Variants in INPP5B observed in about 807,000 individuals in gnomAD.
INPP5B encodes inositol polyphosphate-5-phosphatase B.
Under a neutral mutation model 118.5 loss-of-function variants are expected in INPP5B, and 90 were observed. The observed-to-expected ratio is 0.76, with a 90% confidence interval of 0.64 to 0.90. INPP5B has a LOEUF of 0.90. INPP5B is among the 40% of genes least tolerant of loss of function. The pLI is 0.00. For synonymous variants in INPP5B, 385 were observed against 418.9 expected (o/e 0.92, Z 0.99); for missense variants, 984 against 1,125.6 (o/e 0.87, Z 1.80).
rs368979685 is a variant in INPP5B, at chr1:37,880,176, C to T, written c.1450G>A (p.Ala484Thr). 30 of 1,602,458 alleles carry T rather than the reference C, an allele frequency of 1.9e-5. No homozygotes were observed. The highest frequency in any genetic ancestry group is 1.8e-4 in the South Asian group (16 of 90,022). The change falls in exon 15 of 24, where the codon GCA becomes ACA. Residue 484 changes from alanine (A) to threonine (T), a missense_variant. Physicochemically the swap from Ala to Thr is moderately conservative, Grantham distance 58. Around this residue, in one of 2 missense-constraint regions of INPP5B, gnomAD observed 634 missense variants for 791.0 expected, o/e 0.80. Transcript: ENST00000373024. ...AYDQLKIQVA[A>T]KTVFEGFTEG... ...GTGAAGCCTTCAAAGACAGTCTTTGCGGCCACCTGAATTTTCAGCTATACA... is the reference window on the plus strand; with the variant it reads ...GTGAAGCCTTCAAAGACAGTCTTTGTGGCCACCTGAATTTTCAGCTATACA...
intron 22 of INPP5B, chr1:37,864,914 C>G (rs1202856286): frequency 6.6e-6 from 1 of 152,628 alleles, no homozygotes; most frequent in Non-Finnish European, 1.5e-5. Flanking sequence ...ATTATGGGCT[C>G]AGTGGCTCAT....
rs35267671 is a variant in INPP5B, at chr1:37,931,697, C to T, written c.532+216G>A. 842,384 of 1,545,792 alleles carry T rather than the reference C, an allele frequency of 0.54. 238,309 individuals carry two copies. Among genetic ancestry groups the T allele is most frequent in the Non-Finnish European group, 0.59 (673,954 of 1,150,250 alleles). ...CCTGCAGTGTTGCGCTCCCGAGAGC[C>T]GGCGGCGGCAGACATTTCCCTGCCT... On this transcript the variant is annotated intron_variant, in intron 7 of 23. Coordinates refer to ENST00000373024, the MANE Select transcript of INPP5B (RefSeq NM_005540.3).
chr1:37,903,607 G>C (rs1202234896), intron 7 of INPP5B, among the ~76,000 whole-genome samples: 1 of 151,930 alleles, frequency 6.6e-6, no homozygotes, highest in Non-Finnish European at 1.5e-5. Context: ...GGTGCCTGTA[G>C]TCCCAGCTAC....
intron 7 of INPP5B, among the ~76,000 whole-genome samples, chr1:37,911,272 C>A (rs1644688549): frequency 6.6e-6 from 1 of 152,152 alleles, no homozygotes; most frequent in African/African-American, 2.4e-5. Flanking sequence ...ACTTTCTGCC[C>A]CCCAGCTCTT....
At chr1:37,917,589 G>A (rs1055879706) in intron 7 of INPP5B, among the ~76,000 whole-genome samples, 7 of 151,606 alleles carry the variant, frequency 4.6e-5, no homozygotes, top group African/African-American at 1.2e-4. Flanking sequence ...CTCCCAAAGT[G>A]CTGGGATTAC....
intron 7 of INPP5B, among the ~76,000 whole-genome samples, chr1:37,905,306 CAGG>C (rs1644467363): frequency 6.6e-6 from 1 of 152,154 alleles, no homozygotes; most frequent in African/African-American, 2.4e-5. Flanking sequence ...GAGGCTGAGG[CAGG>C]AGAATTGCTT....
At chr1:37,940,983 A>G (rs543286705) in intron 5 of INPP5B, among the ~76,000 whole-genome samples, 185 bp from the exon 6 acceptor site, 32 of 152,110 alleles carry the variant, frequency 2.1e-4, no homozygotes, top group Non-Finnish European at 2.6e-4. Flanking sequence ...CCAAATTAAC[A>G]TCATCCCCTC....
intron 19 of INPP5B, 33 bp downstream of exon 19, chr1:37,872,897 G>T (rs377228587): frequency 1.1e-4 from 164 of 1,518,248 alleles, no homozygotes; most frequent in Non-Finnish European, 1.4e-4. Context: ...CTGCTACAAA[G>T]TTCTAGATGT....
Position 37,864,431 on chromosome 1 carries a change from A to G in INPP5B, c.2515-8T>C, listed in dbSNP as rs748657218. 4 of 1,513,822 alleles carry G rather than the reference A, an allele frequency of 2.6e-6. No homozygotes were observed. The highest frequency in any genetic ancestry group is 2.8e-6 in the Non-Finnish European group (3 of 1,089,446). 93.8% of individuals were successfully genotyped at this position (1,513,822 alleles called of 1,614,324 possible). On this transcript the variant is annotated splice_polypyrimidine_tract_variant and splice_region_variant and intron_variant, in intron 22 of 23. Transcript: ENST00000373024. ...GGGGAGAGTAGAAATGACCTGAAAG[A>G]GGAAGAACCGGGATTTGTCTTTTGT...
intron 7 of INPP5B, among the ~76,000 whole-genome samples, chr1:37,903,348 G>A (rs1644395927): frequency 6.6e-6 from 1 of 152,178 alleles, no homozygotes; most frequent in Non-Finnish European, 1.5e-5. Flanking sequence ...CAAATGCCAT[G>A]GCAATGTCAG....
chr1:37,932,363 C>CTTTTT (rs58150703), intron 6 of INPP5B, among the ~76,000 whole-genome samples: 1,117 of 87,776 alleles, frequency 0.013, no homozygotes, highest in Middle Eastern at 0.016. Context: ...CTTTTCTTTT[C>CTTTTT]TTTTTTTTTT....
intron 7 of INPP5B, among the ~76,000 whole-genome samples, chr1:37,896,591 A>AG (rs1644088760): frequency 1.4e-5 from 1 of 73,064 alleles, no homozygotes; most frequent in Admixed American, 1.5e-4. Flanking sequence ...CCGTCCGGGA[A>AG]GGAGGTGGGG....
In INPP5B at chr1:37,865,758, C is replaced by A; in HGVS notation, c.2514+3G>T. 1.2e-6 allele frequency: 2 copies of A among 1,612,664 alleles called. No individual in the cohort carries two copies. Among genetic ancestry groups the A allele is most frequent in the South Asian group, 1.1e-5 (1 of 90,936 alleles). Reference sequence around the variant, plus strand: ...CCACATGCTGCTCAATGCTTCCTCTCACCTGTTTGCTTGCTGTGTAGTTGC... The same window carrying A: ...CCACATGCTGCTCAATGCTTCCTCTAACCTGTTTGCTTGCTGTGTAGTTGC... On this transcript the variant is annotated splice_donor_region_variant and intron_variant, in intron 22 of 23. Coordinates refer to ENST00000373024, the MANE Select transcript of INPP5B (RefSeq NM_005540.3).
chr1:37,873,328 A>T, intron 18 of INPP5B, 163 bp from the exon 19 acceptor site: 1 of 602,898 alleles, frequency 1.7e-6, no homozygotes, highest in Non-Finnish European at 2.9e-6. Flanking sequence ...CAGGAGACAC[A>T]AGAACAAAGA....
intron 7 of INPP5B, chr1:37,931,322 A>C (rs1645449134): frequency 2.4e-6 from 2 of 849,030 alleles, no homozygotes; most frequent in African/African-American, 3.5e-5. Flanking sequence ...GCCCCACGCG[A>C]CAAACTCGGA....
At chr1:37,897,908 C>G (rs1480768831) in intron 7 of INPP5B, among the ~76,000 whole-genome samples, 1 of 151,914 alleles carries the variant, frequency 6.6e-6, no homozygotes, top group African/African-American at 2.4e-5. Context: ...TGCACTCCAG[C>G]CTGGGTGACA....
intron 7 of INPP5B, among the ~76,000 whole-genome samples, chr1:37,927,142 C>G (rs1431364847): frequency 6.6e-6 from 1 of 152,022 alleles, no homozygotes; most frequent in Non-Finnish European, 1.5e-5. Flanking sequence ...CAAAAATTAG[C>G]TGGGTGTGGT....
intron 22 of INPP5B, 77 bp from the exon 23 acceptor site, chr1:37,864,500 T>C: frequency 1.2e-6 from 1 of 822,668 alleles, no homozygotes; most frequent in Non-Finnish European, 2.0e-6. Flanking sequence ...CCAAGAACTG[T>C]ATACACGATC....
At chr1:37,918,304 CTG>C (rs1570293858) in intron 7 of INPP5B, among the ~76,000 whole-genome samples, 1 of 152,330 alleles carries the variant, frequency 6.6e-6, no homozygotes, top group East Asian at 1.9e-4. Flanking sequence ...AAGACCCAAA[CTG>C]GTTCAATTGG....
Sources: allele counts gnomAD v4.1 joint callset (sites outside exome capture counted in the v4.1 genomes callset), GRCh38; gene constraint gnomAD v4.1.1; regional missense constraint gnomAD v4.1.1; transcripts MANE v1.5; gene names NCBI Gene and HGNC (gene_info 2026-07-23, HGNC 2026-07-21).